Variants in UTRN observed in about 807,000 individuals in gnomAD.
UTRN encodes the protein utrophin.
In UTRN, 283 loss-of-function variants were observed where a neutral mutation model predicts 463.9. That is an observed-to-expected ratio of 0.61 (90% CI 0.55 to 0.67). The LOEUF (loss-of-function observed/expected upper bound fraction) is 0.67, where lower values mean the gene tolerates loss of function less well. Among genes scored for constraint, UTRN ranks in the 30% least tolerant of loss-of-function variants. The probability of loss-of-function intolerance (pLI) is 0.00; values close to 1 mark genes in which losing one functional copy is unlikely to be tolerated. For missense variants in UTRN, 3,922 were observed against 4,084.3 expected, an observed-to-expected ratio of 0.96 and a Z score of 1.08; for synonymous variants, 1,442 against 1,431.5, an observed-to-expected ratio of 1.01 and a Z score of -0.17.
chr6:144,539,398 T>C lies in UTRN; in HGVS notation c.6474T>C (p.Asp2158=). The C allele has an allele frequency of 6.2e-7, 1 of 1,613,318 alleles. No homozygotes were observed. The highest frequency in any genetic ancestry group is 8.5e-7 in the Non-Finnish European group (1 of 1,179,624). Residue 2158 remains aspartate, a synonymous_variant, in exon 45 of 75, where the codon GAT becomes GAC. Coordinates refer to ENST00000367545, the MANE Select transcript of UTRN (RefSeq NM_007124.3). ...AAAGTCTGAGTTTACCTGAAAGGGA[T>C]AAAATTTCAGAAAGCTTAAGGACTG... ...SDKSLSLPER[D]KISESLRTVN... is the part of the protein sequence containing the mutation.
At chr6:144,357,920 G>A (rs746188492) in intron 2 of UTRN, among the ~76,000 whole-genome samples, 1 of 152,230 alleles carries the variant, frequency 6.6e-6, no homozygotes, top group Non-Finnish European at 1.5e-5. Flanking sequence ...GAGAGGAAGG[G>A]TAGGAGCCTG....
intron 3 of UTRN, among the ~76,000 whole-genome samples, chr6:144,417,192 CTAAA>C (rs1166941003): frequency 6.6e-6 from 1 of 152,170 alleles, no homozygotes; most frequent in East Asian, 1.9e-4. Flanking sequence ...TGGGGGGCCA[CTAAA>C]TATATCCCAC....
intron 50 of UTRN, among the ~76,000 whole-genome samples, chr6:144,570,783 C>T (rs1429967841): frequency 1.3e-5 from 2 of 152,094 alleles, no homozygotes; most frequent in Non-Finnish European, 2.9e-5. Context: ...GCTCACTTTT[C>T]CTTTGAAGTA....
intron 54 of UTRN, among the ~76,000 whole-genome samples, chr6:144,744,469 A>T (rs893448316): frequency 6.8e-6 from 1 of 147,526 alleles, no homozygotes; most frequent in Non-Finnish European, 1.5e-5. Context: ...AATTTTACTT[A>T]TGTATATTAT....
chr6:144,315,922 C>T (rs575012836), intron 2 of UTRN, among the ~76,000 whole-genome samples: 14 of 152,306 alleles, frequency 9.2e-5, no homozygotes, highest in Non-Finnish European at 1.6e-4. Flanking sequence ...AAGGTCGCCT[C>T]GGCTCCATTG....
At chr6:144,418,719 A>G (rs942244968) in intron 3 of UTRN, among the ~76,000 whole-genome samples, 1 of 151,090 alleles carries the variant, frequency 6.6e-6, no homozygotes, top group African/African-American at 2.4e-5. Flanking sequence ...ACACCCAGCC[A>G]ATTTTTGTAT....
intron 51 of UTRN, among the ~76,000 whole-genome samples, chr6:144,598,252 A>G (rs536831403): frequency 4.6e-5 from 7 of 152,310 alleles, no homozygotes; most frequent in Admixed American, 1.3e-4. Context: ...TACGTGTAAG[A>G]TGTACATTGG....
intron 52 of UTRN, 98 bp from the exon 53 acceptor site, chr6:144,699,989 T>A (rs1784419202): frequency 8.2e-7 from 1 of 1,215,972 alleles, no homozygotes; most frequent in Non-Finnish European, 1.1e-6. Flanking sequence ...CATTACTTGG[T>A]CAGATAAGAT....
At chr6:144,420,376 A>G (rs1784726912) in intron 3 of UTRN, among the ~76,000 whole-genome samples, 4 of 152,194 alleles carry the variant, frequency 2.6e-5, no homozygotes, top group Admixed American at 2.6e-4. Context: ...AAGGTTAGGT[A>G]GCTGAGCCAG....
chr6:144,377,331 C>T (rs1780553279), intron 2 of UTRN, among the ~76,000 whole-genome samples: 1 of 152,144 alleles, frequency 6.6e-6, no homozygotes, highest in Non-Finnish European at 1.5e-5. Flanking sequence ...GCCACGGTGC[C>T]CGGCCTGTAC....
intron 65 of UTRN, among the ~76,000 whole-genome samples, chr6:144,817,492 G>A (rs1490890099): frequency 2.6e-5 from 4 of 152,052 alleles, no homozygotes; most frequent in African/African-American, 7.2e-5. Context: ...ATTATGGTAA[G>A]TGGGTGGTTC....
chr6:144,398,695 G>C (rs1782670636), intron 2 of UTRN: 1 of 154,266 alleles, frequency 6.5e-6, no homozygotes, highest in Non-Finnish European at 1.5e-5. Flanking sequence ...TGCCCTGCGG[G>C]CTTCTTCTCT....
rs1271445744 is a variant in UTRN at position 144,521,901 on chromosome 6, G to A, written c.5542-79G>A. Reference sequence around the variant, plus strand: ...TGATATTGCATTCCTTCACACAATAGTCTTGTTATTATTCATTGTGGGGGT... The same window carrying A: ...TGATATTGCATTCCTTCACACAATAATCTTGTTATTATTCATTGTGGGGGT... On this transcript the variant is annotated intron_variant, in intron 39 of 74. Transcript: ENST00000367545. The A allele has an allele frequency of 1.9e-5, 18 of 932,446 alleles. No homozygotes were observed. The African/African-American group carries it at 2.2e-4, about 12-fold the overall frequency. The allele number at this position is 932,446 out of a possible 1,614,324, so 57.8% of individuals were successfully genotyped here. A position where few individuals can be genotyped will look rare whatever the true frequency, so the allele number is the denominator to read the frequency against.
At chr6:144,357,685 G>T (rs542081671) in intron 2 of UTRN, among the ~76,000 whole-genome samples, 5 of 152,354 alleles carry the variant, frequency 3.3e-5, no homozygotes, top group Admixed American at 2.6e-4. Flanking sequence ...AGTACTTCCT[G>T]CAGAAACTCT....
At chr6:144,298,846 G>A (rs1370024576) in intron 2 of UTRN, among the ~76,000 whole-genome samples, 1 of 152,160 alleles carries the variant, frequency 6.6e-6, no homozygotes, top group South Asian at 2.1e-4. Flanking sequence ...AAGTGGTACA[G>A]CTTTGAAATT....
intron 64 of UTRN, among the ~76,000 whole-genome samples, chr6:144,798,933 G>T (rs1229143781): frequency 6.6e-6 from 1 of 152,206 alleles, no homozygotes; most frequent in African/African-American, 2.4e-5. Flanking sequence ...GTAGAGACTG[G>T]GTTCCACTAT....
At chr6:144,790,077 C>T (rs898069657) in intron 62 of UTRN, among the ~76,000 whole-genome samples, 6 of 152,006 alleles carry the variant, frequency 3.9e-5, no homozygotes, top group African/African-American at 1.5e-4. Context: ...TTTTCTTCAA[C>T]TGAAAAAATG....
intron 2 of UTRN, among the ~76,000 whole-genome samples, chr6:144,352,728 T>G (rs2114662274): frequency 6.6e-6 from 1 of 152,312 alleles, no homozygotes; most frequent in South Asian, 2.1e-4. Flanking sequence ...TAAATAAAAA[T>G]AAAAGGTCGT....
At chr6:144,733,441 C>A (rs138188635) in intron 54 of UTRN, among the ~76,000 whole-genome samples, 1 of 149,556 alleles carries the variant, frequency 6.7e-6, no homozygotes, top group Non-Finnish European at 1.5e-5. Context: ...CGCTTGAACC[C>A]GGGAGGCAGA....
Sources: allele counts gnomAD v4.1 joint callset (sites outside exome capture counted in the v4.1 genomes callset), GRCh38; gene constraint gnomAD v4.1.1; transcripts MANE v1.5; gene names NCBI Gene and HGNC (gene_info 2026-07-23, HGNC 2026-07-21).